The following PSME4 variants were observed in gnomAD, a reference collection of about 807,000 sequenced individuals.
PSME4 encodes proteasome activator complex subunit 4.
In PSME4, 89 loss-of-function variants were observed where a neutral mutation model predicts 253.9. The ratio of observed to expected loss-of-function variants is 0.35; its 90% CI spans 0.30 to 0.42. The LOEUF (loss-of-function observed/expected upper bound fraction) is 0.42, where lower values mean the gene tolerates loss of function less well. Among genes scored for constraint, PSME4 ranks in the 10% least tolerant of loss-of-function variants. The probability of loss-of-function intolerance (pLI) is 1.00; values close to 1 mark genes in which losing one functional copy is unlikely to be tolerated. For synonymous variants in PSME4, 851 were observed against 759.2 expected (o/e 1.12, Z -1.99); for missense variants, 2,014 against 2,195.2 (o/e 0.92, Z 1.65).
At chr2:53,967,426 G>C (rs1359650554) in intron 1 of PSME4, among the ~76,000 whole-genome samples, 1 of 151,896 alleles carries the variant, frequency 6.6e-6, no homozygotes, top group African/African-American at 2.4e-5. Context: ...GAGGCACACA[G>C]ATCACCTGGG....
rs113155837 is a variant in PSME4, at chr2:53,912,014, G to C, written c.2517-1884C>G. 7.2e-3 allele frequency among the ~76,000 whole-genome samples: 1,090 copies of C among 152,294 alleles called. 24 individuals carry two copies. The highest frequency in any genetic ancestry group is 0.025 in the African/African-American group (1,042 of 41,550). On this transcript the variant is annotated intron_variant, in intron 20 of 46. Coordinates refer to ENST00000404125, the MANE Select transcript of PSME4 (RefSeq NM_014614.3). ...GACTACTTTAAAAAATCCTGTATAA[G>C]ATTGTAAAATATTAAGTAATGTATT...
chr2:53,923,543 C>G (rs1668420209), intron 14 of PSME4, 124 bp from the exon 15 acceptor site: 5 of 1,242,772 alleles, frequency 4.0e-6, no homozygotes, highest in Non-Finnish European at 5.4e-6. Flanking sequence ...CAATTTTTAA[C>G]CATCTGATTT....
chr2:53,901,617 G>T, intron 27 of PSME4, 58 bp from the exon 28 acceptor site: 3 of 1,395,446 alleles, frequency 2.1e-6, no homozygotes, highest in African/African-American at 1.4e-5. Flanking sequence ...TCATGTAGTT[G>T]TAGCCAATGC....
intron 26 of PSME4, 101 bp from the exon 27 acceptor site, chr2:53,904,257 T>G (rs995518157): frequency 1.6e-6 from 2 of 1,224,736 alleles, no homozygotes; most frequent in Non-Finnish European, 2.3e-6. Context: ...TACATGTTTT[T>G]CTCATTAACA....
In PSME4 at chr2:53,919,245, C is replaced by T; in HGVS notation, c.2422G>A (p.Asp808Asn). ...CGDGKLEMSR[D>N]DILQSLTIVH... Reference sequence around the variant, plus strand: ...ATAGTCAGACTCTGTAGAATATCATCTCTAGAAAAAAAAAAAAGACATTTT... The same window carrying T: ...ATAGTCAGACTCTGTAGAATATCATTTCTAGAAAAAAAAAAAAGACATTTT... The change falls in exon 20 of 47, where the codon GAT becomes AAT. Residue 808 changes from aspartate (D) to asparagine (N), a missense_variant and splice_region_variant. Coordinates refer to ENST00000404125, the MANE Select transcript of PSME4 (RefSeq NM_014614.3). 1.3e-6 allele frequency: 2 copies of T among 1,559,854 alleles called. No homozygotes were observed. Among genetic ancestry groups the T allele is most frequent in the African/African-American group, 1.4e-5 (1 of 71,106 alleles).
chr2:53,937,506 C>T lies in PSME4; in HGVS notation c.580G>A (p.Glu194Lys), dbSNP rs1397720988. The T allele has an allele frequency of 6.2e-7, 1 of 1,611,888 alleles. No individual in the cohort carries two copies. ...GGGCACATTAAAGGTCGCCATTCTTCTAGCATCTCAGCGGTGGCATCTGCT... is the reference window on the plus strand; with the variant it reads ...GGGCACATTAAAGGTCGCCATTCTTTTAGCATCTCAGCGGTGGCATCTGCT... ...FPADATAEML[E>K]EWRPLMCPFD... Residue 194 changes from glutamate to lysine, a missense_variant, in exon 5 of 47, where the codon GAA becomes AAA. Glu to Lys is a moderately conservative substitution (Grantham distance 56). This residue lies in a region of PSME4 where 615 missense variants were observed against 594.4 expected (regional missense o/e 1.03). Transcript: ENST00000404125.
chr2:53,899,735 T>G (rs1680305826), intron 29 of PSME4, 146 bp downstream of exon 29: 2 of 966,924 alleles, frequency 2.1e-6, no homozygotes, highest in Non-Finnish European at 3.1e-6. Context: ...TGAGAAGAGC[T>G]TAAACCCAGG....
In PSME4 at chr2:53,926,385, G is replaced by A. The variant is rs530790672; in HGVS notation, c.1594-362C>T. ...CAATAACATGCTCGCGACTGGGCAC[G>A]GTAGCTAGCCAGACACTGTGGCTCA... On this transcript the variant is annotated intron_variant, in intron 12 of 46. Coordinates refer to ENST00000404125, the MANE Select transcript of PSME4 (RefSeq NM_014614.3). Among the ~76,000 whole-genome samples the A allele has an allele frequency of 4.0e-5, 6 of 149,116 alleles. No homozygotes were observed. The South Asian group carries it at 1.0e-3, about 26-fold the overall frequency.
chr2:53,909,722 G>GA (rs1667740858), intron 21 of PSME4, among the ~76,000 whole-genome samples: 1 of 152,302 alleles, frequency 6.6e-6, no homozygotes, highest in African/African-American at 2.4e-5. Context: ...AGCACTCTGG[G>GA]AAGCGGAGGT....
At chr2:53,947,080 A>AAT (rs1669746597) in intron 3 of PSME4, among the ~76,000 whole-genome samples, 1 of 152,222 alleles carries the variant, frequency 6.6e-6, no homozygotes, top group Non-Finnish European at 1.5e-5. Context: ...ACTTTCAAGA[A>AAT]ATAAATGACT....
Position 53,900,009 on chromosome 2 carries a change from C to G in PSME4, c.3294G>C (p.Lys1098Asn), listed in dbSNP as rs1000706483. 7.5e-6 allele frequency: 12 copies of G among 1,609,858 alleles called. No individual in the cohort carries two copies. The highest frequency in any genetic ancestry group is 1.0e-5 in the Non-Finnish European group (12 of 1,178,836). ...GTAATTCCGCTATTTCAACACATGA[C>G]TTTGGAATCTTGTTAAAAAGAAAAA... ...ETIGLDFTIP[K>N]SCVEIAELLQ... Residue 1098 changes from lysine (K) to asparagine (N), a missense_variant, in exon 29 of 47, where the codon AAG becomes AAC. By Grantham distance (94) the Lys-to-Asn change is moderately conservative. Transcript: ENST00000404125.
chr2:53,880,756 C>T lies in PSME4; in HGVS notation c.4815+4934G>A, dbSNP rs11690122. 8.5e-5 allele frequency among the ~76,000 whole-genome samples: 13 copies of T among 152,286 alleles called. No individual in the cohort carries two copies. In the South Asian group the frequency reaches 2.5e-3, roughly 29 times the overall value. ...ATAGTCAAAGGCATAAAAGGACATA[C>T]ACCAACAAAGTCAGGGTACAAATGG... On this transcript the variant is annotated intron_variant, in intron 41 of 46. Transcript: ENST00000404125.
At chr2:53,946,548 AC>A (rs554699619) in intron 3 of PSME4, among the ~76,000 whole-genome samples, 59 of 152,308 alleles carry the variant, frequency 3.9e-4, no homozygotes, top group Non-Finnish European at 6.3e-4. Flanking sequence ...CAAAAATAAC[AC>A]CCAAAAGGAA....
chr2:53,953,067 G>C (rs1490635205), intron 1 of PSME4, among the ~76,000 whole-genome samples: 22 of 152,160 alleles, frequency 1.4e-4, no homozygotes. Flanking sequence ...TAGGGCTGCT[G>C]ACAAATCTAA....
At chr2:53,898,217 A>T in intron 30 of PSME4, 84 bp downstream of exon 30, 1 of 1,311,128 alleles carries the variant, frequency 7.6e-7, no homozygotes, top group Non-Finnish European at 1.1e-6. Flanking sequence ...TTTGTGACAT[A>T]GTCATTCATA....
At chr2:53,968,277 A>AC (rs1670843663) in intron 1 of PSME4, among the ~76,000 whole-genome samples, 1 of 150,620 alleles carries the variant, frequency 6.6e-6, no homozygotes, top group Non-Finnish European at 1.5e-5. Flanking sequence ...TCCACCTCAA[A>AC]AAAAAAAAAA....
At chr2:53,929,077 G>A (rs1361688516) in intron 10 of PSME4, among the ~76,000 whole-genome samples, 2 of 151,924 alleles carry the variant, frequency 1.3e-5, no homozygotes, top group African/African-American at 4.8e-5. Context: ...GAGGCAGGAG[G>A]ATCGCTTGAA....
chr2:53,910,172 A>T, intron 20 of PSME4, 42 bp from the exon 21 acceptor site: 3 of 1,485,306 alleles, frequency 2.0e-6, no homozygotes, highest in Non-Finnish European at 1.9e-6. Flanking sequence ...AATAATACCA[A>T]TATGAAGTAT....
chr2:53,955,738 ACTGCGAGACCTCGTGC>A (rs1670202795), intron 1 of PSME4, among the ~76,000 whole-genome samples: 1 of 152,100 alleles, frequency 6.6e-6, no homozygotes, highest in Non-Finnish European at 1.5e-5. Context: ...CCTGGGCAAC[ACTGCGAGACCTCGTGC>A]CTACAAGATA....
Sources: gnomAD v4.1 joint callset for allele counts (sites outside exome capture counted in the v4.1 genomes callset) on GRCh38, gnomAD v4.1.1 for gene constraint, gnomAD v4.1.1 regional missense constraint, MANE v1.5 for transcripts, NCBI Gene and HGNC (gene_info 2026-07-23, HGNC 2026-07-21) for gene names.